SLC1A4: variants seen among roughly 807,000 people sequenced by gnomAD.
SLC1A4 encodes solute carrier family 1 member 4.
SLC1A4 carries 19 observed loss-of-function variants against 37.7 expected under a neutral mutation model. That is an observed-to-expected ratio of 0.50 (90% confidence interval 0.35 to 0.74). SLC1A4 has a LOEUF of 0.74. Ranked by LOEUF, SLC1A4 falls within the 30% of genes least tolerant of loss-of-function variation. The pLI is 0.01. For missense variants in SLC1A4, 570 were observed against 712.9 expected, an observed-to-expected ratio of 0.80 and a Z score of 2.28; for synonymous variants, 299 against 309.8, an observed-to-expected ratio of 0.97 and a Z score of 0.37.
At chr2:65,008,945 T>G (rs1413621451) in intron 3 of SLC1A4, among the ~76,000 whole-genome samples, 1 of 152,170 alleles carries the variant, frequency 6.6e-6, no homozygotes, top group Non-Finnish European at 1.5e-5. Context: ...TAGGAAGTAG[T>G]GAAAGTCAGG....
chr2:64,997,296 C>T (rs1448675628), intron 1 of SLC1A4, among the ~76,000 whole-genome samples: 7 of 152,102 alleles, frequency 4.6e-5, no homozygotes, highest in Admixed American at 4.6e-4. Context: ...ACAGTTATTA[C>T]CATACTTTTT....
At chr2:65,008,099 A>G (rs934408994) in intron 3 of SLC1A4, among the ~76,000 whole-genome samples, 1 of 152,224 alleles carries the variant, frequency 6.6e-6, no homozygotes, top group Non-Finnish European at 1.5e-5. Flanking sequence ...TCAAATAGTA[A>G]TTGAATTTTC....
intron 7 of SLC1A4, among the ~76,000 whole-genome samples, chr2:65,019,125 C>A (rs1461524092): frequency 6.6e-6 from 1 of 152,158 alleles, no homozygotes; most frequent in Admixed American, 6.5e-5. Context: ...GTGACTTGGG[C>A]TTGGGCTCAG....
At chr2:65,006,459 T>C (rs1673676379) in intron 3 of SLC1A4, among the ~76,000 whole-genome samples, 1 of 151,982 alleles carries the variant, frequency 6.6e-6, no homozygotes, top group African/African-American at 2.4e-5. Context: ...GCCACTGCAC[T>C]CCAGCCTGGG....
intron 4 of SLC1A4, among the ~76,000 whole-genome samples, chr2:65,013,434 C>G (rs1335454076): frequency 6.6e-6 from 1 of 152,170 alleles, no homozygotes; most frequent in South Asian, 2.1e-4. Flanking sequence ...GTTGGTCAGG[C>G]TGGTCCCAAA....
In SLC1A4 at chr2:65,018,389, T is replaced by C. The variant is rs979034868; in HGVS notation, c.1229+124T>C. The C allele has an allele frequency of 2.2e-6, 3 of 1,374,290 alleles. No individual in the cohort carries two copies. The highest frequency in any genetic ancestry group is 2.0e-6 in the Non-Finnish European group (2 of 1,005,462). 85.1% of individuals were successfully genotyped at this position (1,374,290 alleles called of 1,614,324 possible). ...AATGAGGACAGTGGGGATTCATTAC[T>C]TGAAGAGCGTGTGTTGACTCTCAAG... On this transcript the variant is annotated intron_variant, in intron 6 of 7. Coordinates refer to ENST00000234256, the MANE Select transcript of SLC1A4 (RefSeq NM_003038.5). This position sits in a 1 kb window ranked among gnomAD's most constrained non-coding sequence, Gnocchi z 4.3.
intron 2 of SLC1A4, among the ~76,000 whole-genome samples, chr2:65,002,308 A>AAAT (rs1165887194): frequency 9.7e-5 from 6 of 61,740 alleles, no homozygotes; most frequent in Admixed American, 1.8e-4. Context: ...AATAAATAAT[A>AAAT]AAATAAAGAT....
At position 65,001,502 on chromosome 2, in the gene SLC1A4, T is replaced by C; in HGVS notation, c.570+12T>C. 6.2e-7 allele frequency: 1 copy of C among 1,611,578 alleles called. No individual in the cohort carries two copies. The highest frequency in any genetic ancestry group is 1.1e-5 in the South Asian group (1 of 90,998). On this transcript the variant is annotated intron_variant, in intron 2 of 7. Transcript: ENST00000234256. ...CAGCTTTCCGTACGGTAAGGCTTGA[T>C]ACTTTGCTAAAAATATGAAACTTTG...
chr2:65,018,002 G>A lies in SLC1A4; in HGVS notation c.1035-69G>A, dbSNP rs1024033815. On this transcript the variant is annotated intron_variant, in intron 5 of 7. Coordinates refer to ENST00000234256, the MANE Select transcript of SLC1A4 (RefSeq NM_003038.5). The surrounding 1 kb of genome is among the most constrained non-coding windows in gnomAD (Gnocchi z 4.3). ...TGCTAATTGCTCTGTTCTGGGGTCT[G>A]AGACAAGACACATGTTAGCCTGCCT... 3.5e-6 allele frequency: 5 copies of A among 1,412,390 alleles called. No homozygotes were observed. In the African/African-American group the frequency reaches 7.1e-5, roughly 20 times the overall value. 87.5% of individuals were successfully genotyped at this position (1,412,390 alleles called of 1,614,324 possible).
In SLC1A4 at chr2:65,018,902, C is replaced by A. The variant is rs1030648335; in HGVS notation, c.1364+223C>A. ...CAGGAATGACCATGAGATGTCATTA[C>A]CAAGAACTTGCTTATAGCATCCAGT... On this transcript the variant is annotated intron_variant, in intron 7 of 7. Transcript: ENST00000234256. The surrounding 1 kb of genome is among the most constrained non-coding windows in gnomAD (Gnocchi z 4.3). 2.0e-5 allele frequency among the ~76,000 whole-genome samples: 3 copies of A among 152,218 alleles called. No homozygotes were observed. Among genetic ancestry groups the A allele is most frequent in the African/African-American group, 7.2e-5 (3 of 41,454 alleles).
rs533355938 is a variant in SLC1A4, at chr2:65,022,691, G to C, written c.*1545G>C. 3.9e-5 allele frequency: 6 copies of C among 152,166 alleles called. No individual in the cohort carries two copies. The highest frequency in any genetic ancestry group is 1.4e-4 in the African/African-American group (6 of 41,494). 9.4% of individuals were successfully genotyped at this position (152,166 alleles called of 1,614,324 possible). Reference sequence around the variant, plus strand: ...TAGTTACTTGACAGCATCAAATGCCGCCTCTTCCTAATGTCCTTCAAGTTT... The same window carrying C: ...TAGTTACTTGACAGCATCAAATGCCCCCTCTTCCTAATGTCCTTCAAGTTT... On this transcript the variant is annotated 3_prime_UTR_variant, in exon 8 of 8. Coordinates refer to ENST00000234256, the MANE Select transcript of SLC1A4 (RefSeq NM_003038.5).
intron 7 of SLC1A4, 33 bp from the exon 8 acceptor site, chr2:65,020,879 A>G (rs781048024): frequency 2.5e-6 from 4 of 1,569,440 alleles, no homozygotes; most frequent in Admixed American, 1.7e-5. Flanking sequence ...GCCCAGCAGT[A>G]GATATAATAG....
intron 1 of SLC1A4, among the ~76,000 whole-genome samples, chr2:64,994,303 T>C (rs146721463): frequency 3.3e-5 from 5 of 152,360 alleles, no homozygotes; most frequent in Non-Finnish European, 7.3e-5. Context: ...ATTGAAGGGA[T>C]TGAGGCAAAT....
chr2:65,013,809 C>T (rs1674018139), intron 4 of SLC1A4, among the ~76,000 whole-genome samples: 1 of 152,182 alleles, frequency 6.6e-6, no homozygotes, highest in Non-Finnish European at 1.5e-5. Flanking sequence ...GCCTACCCTA[C>T]ACTATTCACA....
At chr2:65,010,830 GCTGTTCTAGGTAC>G in intron 4 of SLC1A4, 67 bp downstream of exon 4, 2 of 1,527,758 alleles carry the variant, frequency 1.3e-6, no homozygotes, top group South Asian at 2.5e-5. Flanking sequence ...AGTCCACCTT[GCTGTTCTAGGTAC>G]CTGTGTGGGG....
chr2:65,001,129 G>A (rs886444969), intron 1 of SLC1A4: 2 of 259,062 alleles, frequency 7.7e-6, no homozygotes, highest in Non-Finnish European at 1.5e-5. Flanking sequence ...GGCACAGTTA[G>A]GGTGCTTAAA....
At chr2:65,009,563 G>T (rs150600744) in intron 3 of SLC1A4, among the ~76,000 whole-genome samples, 1 of 152,330 alleles carries the variant, frequency 6.6e-6, no homozygotes, top group African/African-American at 2.4e-5. Context: ...TATTTAGAAA[G>T]AAATTTGTGA....
At position 65,021,969 on chromosome 2, in the gene SLC1A4, T is replaced by G. The variant is rs1674446242; in HGVS notation, c.*823T>G. 1 of 152,372 alleles carries G rather than the reference T, an allele frequency of 6.6e-6. No homozygotes were observed. The highest frequency in any genetic ancestry group is 1.5e-5 in the Non-Finnish European group (1 of 68,122). The allele number at this position is 152,372 out of a possible 1,614,324, so 9.4% of individuals were successfully genotyped here. ...TCCTTCCAGAGGCCTGGGCCTCTGA[T>G]AACACTTTGGCTTTTTCTCCATTCA... On this transcript the variant is annotated 3_prime_UTR_variant, in exon 8 of 8. Coordinates refer to ENST00000234256, the MANE Select transcript of SLC1A4 (RefSeq NM_003038.5).
Position 65,016,483 on chromosome 2 carries a change from G to A in SLC1A4, c.844G>A (p.Val282Met), listed in dbSNP as rs373422737. 7.7e-5 allele frequency: 124 copies of A among 1,614,096 alleles called. No individual in the cohort carries two copies. Among genetic ancestry groups the A allele is most frequent in the Admixed American group, 7.2e-4 (43 of 60,006 alleles). Residue 282 changes from valine (V) to methionine (M), a missense_variant, in exon 5 of 8, where the codon GTG (valine) becomes ATG (methionine). Coordinates refer to ENST00000234256, the MANE Select transcript of SLC1A4 (RefSeq NM_003038.5). ...GIMFLVGSKI[V>M]EMKDIIVLVT... The stretch of plus-strand genomic sequence containing the variant: ...CATGTTCCTTGTTGGAAGCAAGATC[G>A]TGGAAATGAAAGACATCATCGTGCT...
Sources: allele counts gnomAD v4.1 joint callset (sites outside exome capture counted in the v4.1 genomes callset), GRCh38; gene constraint gnomAD v4.1.1; non-coding constraint Gnocchi (gnomAD v3.1); transcripts MANE v1.5; gene names NCBI Gene and HGNC (gene_info 2026-07-23, HGNC 2026-07-21).